The following PTPRG variants were observed in gnomAD, a reference collection of about 807,000 sequenced individuals.
PTPRG encodes protein tyrosine phosphatase receptor type G.
Under a neutral mutation model 165.3 loss-of-function variants are expected in PTPRG, and 102 were observed. The observed-to-expected ratio is 0.62, with a 90% CI of 0.53 to 0.73. The LOEUF (loss-of-function observed/expected upper bound fraction) is 0.73, where lower values mean the gene tolerates loss of function less well. Among genes scored for constraint, PTPRG ranks in the 30% least tolerant of loss-of-function variants. The probability of loss-of-function intolerance (pLI) is 0.00; values close to 1 mark genes in which losing one functional copy is unlikely to be tolerated. For synonymous variants in PTPRG, 675 were observed against 669.5 expected, an observed-to-expected ratio of 1.01 and a Z score of -0.13; for missense variants, 1,866 against 1,861.4, an observed-to-expected ratio of 1.00 and a Z score of -0.05.
intron 1 of PTPRG, among the ~76,000 whole-genome samples, chr3:61,624,601 T>C (rs1043892990): frequency 6.6e-6 from 1 of 152,184 alleles, no homozygotes; most frequent in Non-Finnish European, 1.5e-5. Context: ...CTTCTTGTTA[T>C]ATGAAAGAAA....
chr3:61,671,003 T>C (rs533385497), intron 1 of PTPRG, among the ~76,000 whole-genome samples: 18 of 151,922 alleles, frequency 1.2e-4, no homozygotes, highest in Admixed American at 1.1e-3. Flanking sequence ...TATGATTCAA[T>C]TTGAGAACAT....
intron 1 of PTPRG, among the ~76,000 whole-genome samples, chr3:61,585,753 AAAC>A (rs1700420399): frequency 6.6e-6 from 1 of 152,264 alleles, no homozygotes; most frequent in Non-Finnish European, 1.5e-5. Context: ...TCTCAAAAGA[AAAC>A]AATATTAGGA....
intron 2 of PTPRG, among the ~76,000 whole-genome samples, chr3:61,895,613 G>T (rs2038334797): frequency 6.6e-6 from 1 of 152,114 alleles, no homozygotes; most frequent in Non-Finnish European, 1.5e-5. Context: ...TCACCAGGAG[G>T]GCATTTTATT....
At chr3:62,282,090 G>A (rs1236656995) in intron 27 of PTPRG, among the ~76,000 whole-genome samples, 1 of 151,866 alleles carries the variant, frequency 6.6e-6, no homozygotes, top group African/African-American at 2.4e-5. Context: ...GCATGGGGGG[G>A]CTCTTATATT....
In PTPRG at chr3:61,678,781, A is replaced by G. The variant is rs552074998; in HGVS notation, c.86-70097A>G. ...AACCCCAAACACGTGTACTCTTTCT[A>G]TTGGTTGTTTGTCTAAAACTTTATT... On this transcript the variant is annotated intron_variant, in intron 1 of 29. Coordinates refer to ENST00000474889, the MANE Select transcript of PTPRG (RefSeq NM_002841.4). 3.3e-5 allele frequency among the ~76,000 whole-genome samples: 5 copies of G among 152,162 alleles called. No homozygotes were observed. In the East Asian group the frequency reaches 5.8e-4, roughly 18 times the overall value.
At chr3:61,679,587 A>G (rs575174251) in intron 1 of PTPRG, among the ~76,000 whole-genome samples, 1 of 152,154 alleles carries the variant, frequency 6.6e-6, no homozygotes, top group South Asian at 2.1e-4. Context: ...GAGTTTGAGA[A>G]CAGCCACCAC....
chr3:61,610,431 T>TA (rs1245004828), intron 1 of PTPRG, among the ~76,000 whole-genome samples: 6 of 152,222 alleles, frequency 3.9e-5, no homozygotes, highest in East Asian at 3.9e-4. Flanking sequence ...CTGCTGAATA[T>TA]AAAAAAATTG....
At chr3:62,256,375 CTTAGTTTTTTTG>C (rs1701536202) in intron 16 of PTPRG, among the ~76,000 whole-genome samples, 1 of 152,060 alleles carries the variant, frequency 6.6e-6, no homozygotes, top group Admixed American at 6.6e-5. Context: ...AAGTCTTTCT[CTTAGTTTTTTTG>C]TTAGTTTTTG....
At chr3:62,033,398 C>G (rs1209218055) in intron 4 of PTPRG, among the ~76,000 whole-genome samples, 1 of 142,298 alleles carries the variant, frequency 7.0e-6, no homozygotes, top group Non-Finnish European at 1.5e-5. Flanking sequence ...GGGTCTCACT[C>G]TGTTGCCCAG....
chr3:61,742,329 T>C, intron 1 of PTPRG: 1 of 620,402 alleles, frequency 1.6e-6, no homozygotes, highest in East Asian at 2.8e-5. Context: ...TAGGAAACAG[T>C]TGCGTTGATA....
At chr3:61,868,904 G>GT (rs527368077) in intron 2 of PTPRG, among the ~76,000 whole-genome samples, 21,296 of 143,644 alleles carry the variant, frequency 0.15, 1,701 homozygotes, top group Non-Finnish European at 0.19. Context: ...TCAGAAGGGT[G>GT]TTTTTTTTTT....
chr3:61,931,132 C>T (rs956982243), intron 2 of PTPRG, among the ~76,000 whole-genome samples: 2 of 152,186 alleles, frequency 1.3e-5, no homozygotes, highest in African/African-American at 4.8e-5. Flanking sequence ...GCCTCCCCAA[C>T]CTGATCTTCT....
intron 2 of PTPRG, among the ~76,000 whole-genome samples, chr3:61,907,205 G>C (rs1163709887): frequency 6.6e-6 from 1 of 151,660 alleles, no homozygotes; most frequent in African/African-American, 2.4e-5. Flanking sequence ...ATAACTACTG[G>C]CCTGGTTCTT....
chr3:62,094,375 T>C (rs1702040110), intron 5 of PTPRG, among the ~76,000 whole-genome samples: 1 of 152,184 alleles, frequency 6.6e-6, no homozygotes, highest in Admixed American at 6.5e-5. Context: ...ATTAGGACTT[T>C]GAGGAAAAGT....
chr3:61,904,838 T>C (rs760641160), intron 2 of PTPRG, among the ~76,000 whole-genome samples: 14 of 152,088 alleles, frequency 9.2e-5, no homozygotes, highest in Admixed American at 1.3e-4. Flanking sequence ...TTACCCTGGG[T>C]TTTCATCCTA....
rs1201199365 is a variant in PTPRG, at chr3:62,229,411, G to A, written c.2289-1814G>A. On this transcript the variant is annotated intron_variant, in intron 13 of 29. Coordinates refer to ENST00000474889, the MANE Select transcript of PTPRG (RefSeq NM_002841.4). This position sits in a 1 kb window ranked among gnomAD's most constrained non-coding sequence, Gnocchi z 4.6. ...TTATAGTAACCGGCCCCCTGCTGTC[G>A]AATTGGCCCTGAGATGCCAGTGGAA... Among the ~76,000 whole-genome samples, 1 of 152,264 alleles carries A rather than the reference G, an allele frequency of 6.6e-6. No homozygotes were observed. Among genetic ancestry groups the A allele is most frequent in the East Asian group, 1.9e-4 (1 of 5,178 alleles).
intron 27 of PTPRG, among the ~76,000 whole-genome samples, chr3:62,282,335 C>T (rs1559758121): frequency 6.6e-6 from 1 of 151,850 alleles, no homozygotes; most frequent in Non-Finnish European, 1.5e-5. Flanking sequence ...GCGATCCTTT[C>T]ACATCAGCCT....
chr3:62,168,237 A>G, intron 8 of PTPRG, 74 bp downstream of exon 8: 4 of 1,397,718 alleles, frequency 2.9e-6, no homozygotes, highest in Non-Finnish European at 3.9e-6. Flanking sequence ...AAGGAATTCA[A>G]AGCCAGCCAG....
chr3:61,911,887 T>C (rs1278894234), intron 2 of PTPRG, among the ~76,000 whole-genome samples: 2 of 152,222 alleles, frequency 1.3e-5, no homozygotes, highest in Non-Finnish European at 2.9e-5. Context: ...TTCATTGTAT[T>C]TTAATAGCTG....
Sources: gnomAD v4.1 joint callset for allele counts (sites outside exome capture counted in the v4.1 genomes callset) on GRCh38, gnomAD v4.1.1 for gene constraint, Gnocchi (gnomAD v3.1) non-coding constraint, MANE v1.5 for transcripts, NCBI Gene and HGNC (gene_info 2026-07-23, HGNC 2026-07-21) for gene names.